The following SHISAL1 variants were observed in gnomAD, a reference collection of about 807,000 sequenced individuals.
The protein encoded by SHISAL1 is shisa like 1.
A neutral mutation model predicts 22.6 loss-of-function variants in SHISAL1; 9 were observed. The observed-to-expected ratio is 0.40, with a 90% confidence interval of 0.24 to 0.70. The LOEUF is 0.70. Ranked by LOEUF, SHISAL1 falls within the 30% of genes least tolerant of loss-of-function variation. The probability of loss-of-function intolerance (pLI) is 0.39; values close to 1 mark genes in which losing one functional copy is unlikely to be tolerated. For missense variants in SHISAL1, 246 were observed against 270.6 expected (o/e 0.91, Z 0.64); for synonymous variants, 119 against 115.4 (o/e 1.03, Z -0.20).
the SHISAL1 span, among the ~76,000 whole-genome samples, chr22:44,325,147 G>A: frequency 6.6e-6 from 1 of 152,004 alleles, no homozygotes; most frequent in Non-Finnish European, 1.5e-5. Flanking sequence ...GGAGGCTGAG[G>A]CAAGAGAATC....
At chr22:44,305,710 G>A (rs949333991) in intron 1 of SHISAL1, among the ~76,000 whole-genome samples, 2 of 152,232 alleles carry the variant, frequency 1.3e-5, no homozygotes, top group African/African-American at 4.8e-5. Flanking sequence ...CTGGTCCCAC[G>A]TCCAGCCTGG....
At chr22:44,271,328 G>C (rs1224604802) in intron 4 of SHISAL1, among the ~76,000 whole-genome samples, 1 of 152,130 alleles carries the variant, frequency 6.6e-6, no homozygotes, top group Non-Finnish European at 1.5e-5. Flanking sequence ...CAGCACACAG[G>C]GTGTGACAGG....
chr22:44,260,139 G>A (rs1461965278), intron 4 of SHISAL1, among the ~76,000 whole-genome samples: 1 of 152,104 alleles, frequency 6.6e-6, no homozygotes, highest in East Asian at 1.9e-4. Flanking sequence ...TCCCCTGCAT[G>A]CCTTTCACAC....
Position 44,244,476 on chromosome 22 carries a change from A to T in SHISAL1, c.*5209T>A, listed in dbSNP as rs2054981424. 1 of 152,154 alleles carries T rather than the reference A, an allele frequency of 6.6e-6. No homozygotes were observed. Among genetic ancestry groups the T allele is most frequent in the Non-Finnish European group, 1.5e-5 (1 of 68,038 alleles). 9.4% of individuals were successfully genotyped at this position (152,154 alleles called of 1,614,324 possible). A position where few individuals can be genotyped will look rare whatever the true frequency, so the allele number is the denominator to read the frequency against. ...CAAGGGCAAATCTGTCAGGGCTTTG[A>T]TGTAAAGATAGGAGTTTTAGGTACA... On this transcript the variant is annotated 3_prime_UTR_variant, in exon 5 of 5. Coordinates refer to ENST00000381176, the MANE Select transcript of SHISAL1 (RefSeq NM_001099294.2).
At chr22:44,253,425 ATGTT>A (rs1299756651) in intron 4 of SHISAL1, among the ~76,000 whole-genome samples, 4,647 of 107,716 alleles carry the variant, frequency 0.043, 371 homozygotes, top group African/African-American at 0.14. Context: ...GTATTAGTGC[ATGTT>A]TTTTTTTTTT....
chr22:44,246,464 T>G lies in SHISAL1; in HGVS notation c.*3221A>C, dbSNP rs1391245996. 1 of 152,262 alleles carries G rather than the reference T, an allele frequency of 6.6e-6. No individual in the cohort carries two copies. The highest frequency in any genetic ancestry group is 2.1e-4 in the South Asian group (1 of 4,818). 9.4% of individuals were successfully genotyped at this position (152,262 alleles called of 1,614,324 possible). ...GGCAGCTTAAAAAATCAGGTTGAGTTGCTAAAAAACAGTAACTCTAGCTAT... is the reference window on the plus strand; with the variant it reads ...GGCAGCTTAAAAAATCAGGTTGAGTGGCTAAAAAACAGTAACTCTAGCTAT... On this transcript the variant is annotated 3_prime_UTR_variant, in exon 5 of 5. Transcript: ENST00000381176.
At chr22:44,271,098 C>T (rs1334931360) in intron 4 of SHISAL1, among the ~76,000 whole-genome samples, 3 of 152,144 alleles carry the variant, frequency 2.0e-5, no homozygotes, top group Non-Finnish European at 4.4e-5. Flanking sequence ...CTCCCCACAT[C>T]CCCTTTGATT....
At chr22:44,317,996 G>A in the SHISAL1 span, among the ~76,000 whole-genome samples, 4 of 152,212 alleles carry the variant, frequency 2.6e-5, no homozygotes, top group African/African-American at 9.6e-5. Flanking sequence ...GACACCAAGG[G>A]GCCTGAGAGG....
At chr22:44,323,231 TATCCATCC>T in the SHISAL1 span, among the ~76,000 whole-genome samples, 14 of 97,472 alleles carry the variant, frequency 1.4e-4, no homozygotes, top group Admixed American at 6.9e-4. Flanking sequence ...TCCACCCATT[TATCCATCC>T]ATCCATCCAT....
At chr22:44,303,132 G>C (rs944836175) in intron 1 of SHISAL1, among the ~76,000 whole-genome samples, 2 of 152,086 alleles carry the variant, frequency 1.3e-5, no homozygotes, top group African/African-American at 4.8e-5. Flanking sequence ...GCGTGTATCT[G>C]GTGGGAGCAG....
chr22:44,283,882 A>G (rs135391), intron 4 of SHISAL1, among the ~76,000 whole-genome samples: 99,359 of 151,796 alleles, frequency 0.65, 32,856 homozygotes, highest in Admixed American at 0.75. Flanking sequence ...TCTGTTGCAA[A>G]GGATCCACAT....
intron 1 of SHISAL1, among the ~76,000 whole-genome samples, chr22:44,307,744 G>A (rs574583258): frequency 2.0e-5 from 3 of 152,322 alleles, no homozygotes; most frequent in South Asian, 2.1e-4. Context: ...CGAACTTGGC[G>A]AGGCTGGGGA....
At chr22:44,280,523 C>A (rs2055268983) in intron 4 of SHISAL1, among the ~76,000 whole-genome samples, 1 of 152,180 alleles carries the variant, frequency 6.6e-6, no homozygotes, top group Non-Finnish European at 1.5e-5. Context: ...CCAGCACTCT[C>A]TGCTGGGCCC....
At position 44,248,958 on chromosome 22, in the gene SHISAL1, T is replaced by G. The variant is rs2055026282; in HGVS notation, c.*727A>C. On this transcript the variant is annotated 3_prime_UTR_variant, in exon 5 of 5. Transcript: ENST00000381176. ...ACTTAACTTGGCACCTGCCCTGTGG[T>G]CAGCCTGAGATGCAGCCCTTAGTAT... 1 of 152,064 alleles carries G rather than the reference T, an allele frequency of 6.6e-6. No individual in the cohort carries two copies. The highest frequency in any genetic ancestry group is 6.5e-5 in the Admixed American group (1 of 15,268). The allele number at this position is 152,064 out of a possible 1,614,324, so 9.4% of individuals were successfully genotyped here.
Position 44,283,620 on chromosome 22 carries a change from C to T in SHISAL1, c.599+1808G>A, listed in dbSNP as rs576669226. Among the ~76,000 whole-genome samples, 48 of 152,308 alleles carry T rather than the reference C, an allele frequency of 3.2e-4. 1 individual carries two copies. In the South Asian group the frequency reaches 8.1e-3, roughly 26 times the overall value. On this transcript the variant is annotated intron_variant, in intron 4 of 4. Coordinates refer to ENST00000381176, the MANE Select transcript of SHISAL1 (RefSeq NM_001099294.2). ...ACCCAGGTGCTGAGTGCAGGGTGCTCACGACATCCTCCATCCCCTTGGCAA... is the reference window on the plus strand; with the variant it reads ...ACCCAGGTGCTGAGTGCAGGGTGCTTACGACATCCTCCATCCCCTTGGCAA...
At chr22:44,259,518 C>A (rs959209525) in intron 4 of SHISAL1, among the ~76,000 whole-genome samples, 1 of 147,222 alleles carries the variant, frequency 6.8e-6, no homozygotes, top group Non-Finnish European at 1.5e-5. Context: ...AGCTGGGAAA[C>A]AGCAGGATGG....
chr22:44,277,209 T>A (rs1249209551), intron 4 of SHISAL1, among the ~76,000 whole-genome samples: 1 of 152,176 alleles, frequency 6.6e-6, no homozygotes, highest in African/African-American at 2.4e-5. Flanking sequence ...ACGGACGCGA[T>A]GCCGGGAGAG....
At chr22:44,277,047 C>T (rs1302932689) in intron 4 of SHISAL1, among the ~76,000 whole-genome samples, 2 of 152,200 alleles carry the variant, frequency 1.3e-5, no homozygotes, top group Non-Finnish European at 2.9e-5. Context: ...ATGCCCTTTC[C>T]CCACTTTGGC....
chr22:44,260,316 C>T (rs1163419557), intron 4 of SHISAL1, among the ~76,000 whole-genome samples: 4 of 152,210 alleles, frequency 2.6e-5, no homozygotes, highest in Admixed American at 1.3e-4. Context: ...GACTTGTGTT[C>T]GGTTACGGCC....
Sources: allele counts gnomAD v4.1 joint callset (sites outside exome capture counted in the v4.1 genomes callset), GRCh38; gene constraint gnomAD v4.1.1; transcripts MANE v1.5; gene names NCBI Gene and HGNC (gene_info 2026-07-23, HGNC 2026-07-21).